Variants in ADGRV1 observed in about 807,000 individuals in gnomAD.
The protein encoded by ADGRV1 is G-protein coupled receptor 98.
A neutral mutation model predicts 596.2 loss-of-function variants in ADGRV1; 359 were observed. That is an observed-to-expected ratio of 0.60 (90% confidence interval 0.55 to 0.66). The LOEUF (loss-of-function observed/expected upper bound fraction) is 0.66. ADGRV1 is among the 30% of genes least tolerant of loss of function. The pLI, the probability that ADGRV1 is intolerant of heterozygous loss-of-function variation, is 0.00. For synonymous variants in ADGRV1, 2,681 were observed against 2,679.2 expected, an observed-to-expected ratio of 1.00 and a Z score of -0.02; for missense variants, 7,274 against 7,575.6, an observed-to-expected ratio of 0.96 and a Z score of 1.48.
chr5:90,823,918 A>G (rs1017477372), intron 76 of ADGRV1, among the ~76,000 whole-genome samples: 9 of 152,156 alleles, frequency 5.9e-5, no homozygotes, highest in Non-Finnish European at 1.0e-4. Context: ...CTTATTCACA[A>G]TTCTTTTTGT....
rs571527238 is a variant in ADGRV1, at chr5:90,951,637, C to T, written c.17857-13778C>T. On this transcript the variant is annotated intron_variant, in intron 83 of 89. Coordinates refer to ENST00000405460, the MANE Select transcript of ADGRV1 (RefSeq NM_032119.4). ...AAGTAAATAACTTTTAATGGGGCTA[C>T]CAATAAGTGAATGTCTCCAATTCAA... 1.1e-4 allele frequency among the ~76,000 whole-genome samples: 16 copies of T among 152,112 alleles called. No homozygotes were observed. In the East Asian group the frequency reaches 3.1e-3, roughly 29 times the overall value.
intron 83 of ADGRV1, among the ~76,000 whole-genome samples, chr5:90,923,378 G>A (rs1266923571): frequency 2.0e-5 from 3 of 151,760 alleles, no homozygotes; most frequent in Non-Finnish European, 2.9e-5. Flanking sequence ...AATTTTCTTT[G>A]AAATCAATTT....
intron 21 of ADGRV1, among the ~76,000 whole-genome samples, chr5:90,668,411 G>A (rs1771883336): frequency 6.6e-6 from 1 of 152,194 alleles, no homozygotes; most frequent in African/African-American, 2.4e-5. Flanking sequence ...GACTAGGAAA[G>A]GGAACTCCCT....
chr5:90,653,635 A>T lies in ADGRV1; in HGVS notation c.4061A>T (p.Asn1354Ile), dbSNP rs753490322. Residue 1354 changes from asparagine (N) to isoleucine (I), a missense_variant, in exon 20 of 90, where the codon AAC becomes ATC. By Grantham distance (149) the Asn-to-Ile change is moderately radical. Coordinates refer to ENST00000405460, the MANE Select transcript of ADGRV1 (RefSeq NM_032119.4). ...YHPSRNNTIA[N>I]FTFSAWVMPN... ...CCCTCCAGGAATAATACAATTGCCA[A>T]CTTTACATTCTCAGCTTGGGTAATG... 33 of 1,613,448 alleles carry T rather than the reference A, an allele frequency of 2.0e-5. No homozygotes were observed. Among genetic ancestry groups the T allele is most frequent in the Non-Finnish European group, 2.5e-5 (30 of 1,179,760 alleles).
rs750872471 is a variant in ADGRV1 at position 90,725,195 on chromosome 5, G to A, written c.10016G>A (p.Ser3339Asn). 46 of 1,529,946 alleles carry A rather than the reference G, an allele frequency of 3.0e-5. No homozygotes were observed. Among genetic ancestry groups the A allele is most frequent in the Non-Finnish European group, 3.9e-5 (44 of 1,131,716 alleles). The allele number at this position is 1,529,946 out of a possible 1,614,324, so 94.8% of individuals were successfully genotyped here. A position where few individuals can be genotyped will look rare whatever the true frequency, so the allele number is the denominator to read the frequency against. Reference sequence around the variant, plus strand: ...AATGAAGAAAAGCCTTCTCTTAACAGTGTGTTTACATTCACATCTGGATTT... The same window carrying A: ...AATGAAGAAAAGCCTTCTCTTAACAATGTGTTTACATTCACATCTGGATTT... ...ERNEEKPSLN[S>N]VFTFTSGFKL... Residue 3339 changes from serine (S) to asparagine (N), a missense_variant, in exon 47 of 90, where the codon AGT becomes AAT. Transcript: ENST00000405460.
chr5:90,672,935 A>G (rs898449684), intron 22 of ADGRV1: 1 of 458,446 alleles, frequency 2.2e-6, no homozygotes, highest in Admixed American at 3.9e-5. Context: ...TTTGTACAGA[A>G]CTTTATCATG....
chr5:90,716,560 A>G lies in ADGRV1; in HGVS notation c.9278A>G (p.Tyr3093Cys), dbSNP rs1474235281. 2.5e-6 allele frequency: 4 copies of G among 1,613,482 alleles called. No individual in the cohort carries two copies. Among genetic ancestry groups the G allele is most frequent in the East Asian group, 2.2e-5 (1 of 44,848 alleles). Residue 3093 changes from tyrosine (Y) to cysteine (C), a missense_variant, in exon 43 of 90, where the codon TAC becomes TGC. By Grantham distance (194) the Tyr-to-Cys change is radical. Coordinates refer to ENST00000405460, the MANE Select transcript of ADGRV1 (RefSeq NM_032119.4). ...TTCCTAAGAGAGCCAACAGCTCTCT[A>G]CGTCCAGGAGAGTGTTGCAGTATTG... ...HFFLREPTAL[Y>C]VQESVAVLYI...
chr5:90,765,012 CACT>C (rs1414900674), intron 59 of ADGRV1, among the ~76,000 whole-genome samples: 23 of 152,234 alleles, frequency 1.5e-4, no homozygotes, highest in African/African-American at 5.5e-4. Context: ...AGGAGAGAAG[CACT>C]CCCACCTACT....
At chr5:90,950,448 A>G (rs2150904835) in intron 83 of ADGRV1, among the ~76,000 whole-genome samples, 1 of 152,136 alleles carries the variant, frequency 6.6e-6, no homozygotes, top group South Asian at 2.1e-4. Flanking sequence ...CAGCCTCCCG[A>G]GTAGCTGGGA....
chr5:90,618,479 AT>A (rs950678650), intron 3 of ADGRV1, among the ~76,000 whole-genome samples: 5 of 151,880 alleles, frequency 3.3e-5, no homozygotes, highest in African/African-American at 9.7e-5. Context: ...AACATTAAGA[AT>A]TTTTTTTTGA....
At position 90,619,073 on chromosome 5, in the gene ADGRV1, G is replaced by T. The variant is rs1031898067; in HGVS notation, c.358-13G>T. ...TTTTAATTCATTATTTTATTTTTGG[G>T]ATTTTATTTTAGAAACCTTCAGCAA... On this transcript the variant is annotated splice_polypyrimidine_tract_variant and intron_variant, in intron 3 of 89. Transcript: ENST00000405460. 5 of 1,253,264 alleles carry T rather than the reference G, an allele frequency of 4.0e-6. No individual in the cohort carries two copies. Among genetic ancestry groups the T allele is most frequent in the South Asian group, 3.9e-5 (2 of 51,400 alleles). The allele number at this position is 1,253,264 out of a possible 1,614,324, so 77.6% of individuals were successfully genotyped here.
intron 4 of ADGRV1, among the ~76,000 whole-genome samples, chr5:90,620,316 C>T (rs1284142147): frequency 1.3e-5 from 2 of 152,154 alleles, no homozygotes; most frequent in African/African-American, 2.4e-5. Flanking sequence ...GATGGTGTCT[C>T]ATTGTGGTTT....
intron 83 of ADGRV1, among the ~76,000 whole-genome samples, chr5:90,887,025 G>C (rs1365289713): frequency 6.6e-6 from 1 of 152,068 alleles, no homozygotes; most frequent in Non-Finnish European, 1.5e-5. Context: ...CTCTAGTTAG[G>C]AGCCAGTGTC....
intron 70 of ADGRV1, among the ~76,000 whole-genome samples, chr5:90,800,909 CT>C (rs5869521): frequency 0.043 from 6,553 of 151,978 alleles, 501 homozygotes; most frequent in African/African-American, 0.15. Flanking sequence ...ACATCACACA[CT>C]TGGGGCCTGT....
At chr5:90,897,405 G>C (rs950267106) in intron 83 of ADGRV1, among the ~76,000 whole-genome samples, 3 of 152,044 alleles carry the variant, frequency 2.0e-5, no homozygotes, top group Non-Finnish European at 2.9e-5. Flanking sequence ...GAATAATATA[G>C]TGTTAATTAT....
Position 91,027,036 on chromosome 5 carries a change from G to A in ADGRV1, c.18152+41514G>A, listed in dbSNP as rs147879739. Among the ~76,000 whole-genome samples the A allele has an allele frequency of 8.3e-3, 1,265 of 152,028 alleles. 21 individuals carry two copies. Among genetic ancestry groups the A allele is most frequent in the African/African-American group, 0.029 (1,196 of 41,454 alleles). ...GCATGCCTGTAGTCCCAGCTACTCA[G>A]GAGGCTGAGGCAGGAGAATCTCTTG... On this transcript the variant is annotated intron_variant, in intron 85 of 89. Coordinates refer to ENST00000405460, the MANE Select transcript of ADGRV1 (RefSeq NM_032119.4).
chr5:90,677,879 C>T (rs1455063124), intron 25 of ADGRV1, among the ~76,000 whole-genome samples: 1 of 152,160 alleles, frequency 6.6e-6, no homozygotes, highest in Non-Finnish European at 1.5e-5. Flanking sequence ...GACTGTCTAA[C>T]ATGTCAAGTA....
rs949411707 is a variant in ADGRV1 at position 90,925,767 on chromosome 5, T to C, written c.17857-39648T>C. 2.2e-5 allele frequency among the ~76,000 whole-genome samples: 3 copies of C among 135,710 alleles called. No homozygotes were observed. The Admixed American group carries it at 2.3e-4, about 10-fold the overall frequency. The allele number at this position is 135,710 out of a possible 152,430, so 89.0% of individuals were successfully genotyped here. On this transcript the variant is annotated intron_variant, in intron 83 of 89. Transcript: ENST00000405460. Reference sequence around the variant, plus strand: ...CATTCAGTATGATATTGGCTGTGGGTTTGTCATAGATAGCTCTTATTATTT... The same window carrying C: ...CATTCAGTATGATATTGGCTGTGGGCTTGTCATAGATAGCTCTTATTATTT...
At chr5:91,121,767 A>AT (rs1269649703) in intron 87 of ADGRV1, among the ~76,000 whole-genome samples, 1 of 151,916 alleles carries the variant, frequency 6.6e-6, no homozygotes, top group Admixed American at 6.6e-5. Flanking sequence ...GTAATTAAAT[A>AT]TTTTTTGGTT....
Sources: allele counts gnomAD v4.1 joint callset (sites outside exome capture counted in the v4.1 genomes callset), GRCh38; gene constraint gnomAD v4.1.1; transcripts MANE v1.5; gene names NCBI Gene and HGNC (gene_info 2026-07-23, HGNC 2026-07-21).